The following PRDM15 variants were observed in gnomAD, a reference collection of about 807,000 sequenced individuals.
PRDM15 encodes the protein PR domain zinc finger protein 15.
PRDM15 carries 64 observed loss-of-function variants against 128.6 expected under a neutral mutation model. The observed-to-expected ratio is 0.50, with a 90% CI of 0.41 to 0.61. The LOEUF (loss-of-function observed/expected upper bound fraction) is 0.61. PRDM15 is among the 20% of genes least tolerant of loss of function. The pLI is 0.00. For synonymous variants in PRDM15, 615 were observed against 621.8 expected, an observed-to-expected ratio of 0.99 and a Z score of 0.16; for missense variants, 1,242 against 1,569.1, an observed-to-expected ratio of 0.79 and a Z score of 3.52.
chr21:41,864,960 GCC>G (rs942811425), intron 1 of PRDM15, among the ~76,000 whole-genome samples: 3 of 139,468 alleles, frequency 2.2e-5, no homozygotes, highest in Non-Finnish European at 4.5e-5. Flanking sequence ...CCACATGCTC[GCC>G]CCCCAAGGCT....
In PRDM15 at chr21:41,862,771, G is replaced by C. The variant is rs2063863891; in HGVS notation, c.-9-2399C>G. Among the ~76,000 whole-genome samples, 1 of 152,162 alleles carries C rather than the reference G, an allele frequency of 6.6e-6. No individual in the cohort carries two copies. Among genetic ancestry groups the C allele is most frequent in the Admixed American group, 6.5e-5 (1 of 15,268 alleles). ...TTAACACTCAGAAAGTGCCTTCATAGAAGGGGAAGTGTGGTCTCCAGACCT... is the reference window on the plus strand; with the variant it reads ...TTAACACTCAGAAAGTGCCTTCATACAAGGGGAAGTGTGGTCTCCAGACCT... On this transcript the variant is annotated intron_variant, in intron 1 of 23. Coordinates refer to ENST00000398548, the MANE Select transcript of PRDM15 (RefSeq NM_001040424.3). The surrounding 1 kb of genome is among the most constrained non-coding windows in gnomAD (Gnocchi z 4.1).
At chr21:41,868,785 G>C (rs2064109363) in intron 1 of PRDM15, among the ~76,000 whole-genome samples, 1 of 144,836 alleles carries the variant, frequency 6.9e-6, no homozygotes, top group South Asian at 2.2e-4. Flanking sequence ...CCACCTCCCA[G>C]GTTCAAGCAA....
chr21:41,870,508 T>C (rs991925680), intron 1 of PRDM15: 1 of 152,066 alleles, frequency 6.6e-6, no homozygotes, highest in Non-Finnish European at 1.5e-5. Flanking sequence ...TTTTCAAAAA[T>C]ATGCGCCGCA....
chr21:41,810,573 T>C lies in PRDM15; in HGVS notation c.2476+180A>G, dbSNP rs780537563. ...TATGAGAAAATTCAAGAAGGGATAC[T>C]TGAAAGCTGTGGCGGGTTGACCTTC... On this transcript the variant is annotated intron_variant, in intron 20 of 23. Transcript: ENST00000398548. This position sits in a 1 kb window ranked among gnomAD's most constrained non-coding sequence, Gnocchi z 6.4. The C allele has an allele frequency of 3.7e-5, 24 of 646,634 alleles. No homozygotes were observed. The highest frequency in any genetic ancestry group is 5.9e-5 in the Non-Finnish European group (22 of 375,716). The allele number at this position is 646,634 out of a possible 1,614,324, so 40.1% of individuals were successfully genotyped here.
At chr21:41,820,481 A>T (rs1242015715) in intron 16 of PRDM15, among the ~76,000 whole-genome samples, 3 of 152,172 alleles carry the variant, frequency 2.0e-5, no homozygotes, top group Non-Finnish European at 4.4e-5. Flanking sequence ...CCTTATAAGA[A>T]GATGAGATTG....
rs79683483 is a variant in PRDM15, at chr21:41,847,093, T to G, written c.637A>C (p.Asn213His). The G allele has an allele frequency of 3.9e-6, 6 of 1,542,254 alleles. No individual in the cohort carries two copies. In the African/African-American group the frequency reaches 5.5e-5, roughly 14 times the overall value. Residue 213 changes from asparagine to histidine, a missense_variant, in exon 6 of 24, where the codon AAT becomes CAT. Around this residue, in one of 3 missense-constraint regions of PRDM15, gnomAD observed 612 missense variants for 717.0 expected, o/e 0.85. Transcript: ENST00000398548. ...GCTCCCCACACGTCCTCCTTACCAT[T>G]GAGGAGCTGCAGCTCCAGGAAGGTG... ...SATFLELQLLNEHLLGHLEQA... is the reference protein window; with the variant it reads ...SATFLELQLLHEHLLGHLEQA...
At chr21:41,827,202 G>C (rs1052824084) in intron 12 of PRDM15, among the ~76,000 whole-genome samples, 2 of 152,150 alleles carry the variant, frequency 1.3e-5, no homozygotes, top group Non-Finnish European at 2.9e-5. Context: ...AAAGAAAAAC[G>C]TTGTCGGTCT....
Position 41,859,790 on chromosome 21 carries a change from A to T in PRDM15, c.38-105T>A. The T allele has an allele frequency of 1.2e-6, 1 of 848,268 alleles. No individual in the cohort carries two copies. The highest frequency in any genetic ancestry group is 1.5e-5 in the South Asian group (1 of 68,576). 52.5% of individuals were successfully genotyped at this position (848,268 alleles called of 1,614,324 possible). On this transcript the variant is annotated intron_variant, in intron 2 of 23. Transcript: ENST00000398548. The surrounding 1 kb of genome is among the most constrained non-coding windows in gnomAD (Gnocchi z 5.3). ...GGCCCCATGAGGGTGACCCAGAGTC[A>T]TGAGACACATGCATGCCGACACTGC...
intron 5 of PRDM15, among the ~76,000 whole-genome samples, chr21:41,851,956 T>A (rs1398289942): frequency 6.6e-6 from 1 of 152,218 alleles, no homozygotes; most frequent in African/African-American, 2.4e-5. Flanking sequence ...ACGTTCCCAT[T>A]TACACAGACT....
intron 1 of PRDM15, among the ~76,000 whole-genome samples, chr21:41,860,686 G>A (rs538927604): frequency 6.6e-6 from 1 of 152,336 alleles, no homozygotes; most frequent in East Asian, 1.9e-4. Context: ...CTCTGAAAGT[G>A]CTGGGATTAC....
Position 41,879,159 on chromosome 21 carries a change from G to C in PRDM15, c.-10+111C>G. ...CGCGCGGCTGCCGGGCGCGGGGGGC[G>C]GGGGGCAGCGGGCCCAGGGCGCGCC... On this transcript the variant is annotated intron_variant, in intron 1 of 23. Coordinates refer to ENST00000398548, the MANE Select transcript of PRDM15 (RefSeq NM_001040424.3). The surrounding 1 kb of genome is among the most constrained non-coding windows in gnomAD (Gnocchi z 5.1). 1 of 918,350 alleles carries C rather than the reference G, an allele frequency of 1.1e-6. No homozygotes were observed. The highest frequency in any genetic ancestry group is 1.3e-6 in the Non-Finnish European group (1 of 761,288). 56.9% of individuals were successfully genotyped at this position (918,350 alleles called of 1,614,324 possible).
At chr21:41,849,227 G>T (rs945829557) in intron 5 of PRDM15, among the ~76,000 whole-genome samples, 4 of 152,242 alleles carry the variant, frequency 2.6e-5, no homozygotes, top group African/African-American at 9.6e-5. Context: ...TGAAGTCGAG[G>T]TCTGTAACTC....
At chr21:41,869,349 C>T (rs747450696) in intron 1 of PRDM15, among the ~76,000 whole-genome samples, 8 of 152,128 alleles carry the variant, frequency 5.3e-5, no homozygotes, top group Non-Finnish European at 7.3e-5. Flanking sequence ...GGCGCGATCT[C>T]GGCTCACTGC....
Position 41,810,566 on chromosome 21 carries a change from G to A in PRDM15, c.2476+187C>T, listed in dbSNP as rs2061832432. 1.6e-6 allele frequency: 1 copy of A among 642,746 alleles called. No individual in the cohort carries two copies. Among genetic ancestry groups the A allele is most frequent in the Non-Finnish European group, 2.7e-6 (1 of 373,096 alleles). 39.8% of individuals were successfully genotyped at this position (642,746 alleles called of 1,614,324 possible). ...GAACCAATATGAGAAAATTCAAGAAGGGATACTTGAAAGCTGTGGCGGGTT... is the reference window on the plus strand; with the variant it reads ...GAACCAATATGAGAAAATTCAAGAAAGGATACTTGAAAGCTGTGGCGGGTT... On this transcript the variant is annotated intron_variant, in intron 20 of 23. Transcript: ENST00000398548. The surrounding 1 kb of genome is among the most constrained non-coding windows in gnomAD (Gnocchi z 6.4).
intron 11 of PRDM15, among the ~76,000 whole-genome samples, chr21:41,834,040 G>C (rs963299851): frequency 4.6e-5 from 7 of 152,172 alleles, no homozygotes; most frequent in African/African-American, 1.7e-4. Flanking sequence ...CTGTGCCCCA[G>C]GTTTCTTGGG....
chr21:41,823,951 G>A (rs1205735458), intron 13 of PRDM15, among the ~76,000 whole-genome samples: 1 of 152,206 alleles, frequency 6.6e-6, no homozygotes, highest in East Asian at 1.9e-4. Context: ...CGCATCCAAG[G>A]GGGTCACCTC....
rs112896260 is a variant in PRDM15 at position 41,834,701 on chromosome 21, G to A, written c.1366+736C>T. ...GACTCCCACATCCCAGAGGGTGCAC[G>A]TCATCACTGCAGAATACAGGGGCGT... On this transcript the variant is annotated intron_variant, in intron 11 of 23. Coordinates refer to ENST00000398548, the MANE Select transcript of PRDM15 (RefSeq NM_001040424.3). 588 of 681,912 alleles carry A rather than the reference G, an allele frequency of 8.6e-4. 3 individuals carry two copies. The highest frequency in any genetic ancestry group is 8.1e-3 in the African/African-American group (463 of 56,830). 42.2% of individuals were successfully genotyped at this position (681,912 alleles called of 1,614,324 possible). A position where few individuals can be genotyped will look rare whatever the true frequency, so the allele number is the denominator to read the frequency against.
At chr21:41,843,950 TAAAAAAAAAAA>T (rs1555883669) in intron 6 of PRDM15, among the ~76,000 whole-genome samples, 1 of 123,294 alleles carries the variant, frequency 8.1e-6, no homozygotes, top group Admixed American at 8.4e-5. Flanking sequence ...CCTTGTATTG[TAAAAAAAAAAA>T]AAAAAAAAAA....
intron 1 of PRDM15, among the ~76,000 whole-genome samples, chr21:41,878,477 C>A (rs889628519): frequency 3.3e-5 from 5 of 152,172 alleles, no homozygotes; most frequent in African/African-American, 1.2e-4. Flanking sequence ...CTAACCCCTG[C>A]GTGAACACCT....
Sources: allele counts gnomAD v4.1 joint callset (sites outside exome capture counted in the v4.1 genomes callset), GRCh38; gene constraint gnomAD v4.1.1; regional missense constraint gnomAD v4.1.1; non-coding constraint Gnocchi (gnomAD v3.1); transcripts MANE v1.5; gene names NCBI Gene and HGNC (gene_info 2026-07-23, HGNC 2026-07-21).